The following EFNA5 variants were observed in gnomAD, a reference collection of about 807,000 sequenced individuals.
The protein encoded by EFNA5 is ephrin A5, also known as ephrin-A5.
In EFNA5, 5 loss-of-function variants were observed where a neutral mutation model predicts 22.9. The ratio of observed to expected loss-of-function variants is 0.22; its 90% CI spans 0.11 to 0.46. The LOEUF (loss-of-function observed/expected upper bound fraction) is 0.46. EFNA5 is among the 20% of genes least tolerant of loss of function. The pLI is 0.99. For missense variants in EFNA5, 237 were observed against 293.3 expected (o/e 0.81, Z 1.40); for synonymous variants, 113 against 112.2 (o/e 1.01, Z -0.04).
chr5:107,620,985 G>A (rs1042923835), intron 1 of EFNA5, among the ~76,000 whole-genome samples: 1 of 152,172 alleles, frequency 6.6e-6, no homozygotes, highest in African/African-American at 2.4e-5. Context: ...GAACATTAGG[G>A]AAGGGAAAGT....
chr5:107,402,056 CAAAGTGGCCT>C (rs1748100135), intron 2 of EFNA5, among the ~76,000 whole-genome samples: 1 of 152,124 alleles, frequency 6.6e-6, no homozygotes, highest in African/African-American at 2.4e-5. Context: ...ACTCTTAAAC[CAAAGTGGCCT>C]AAGAACTAAA....
intron 1 of EFNA5, among the ~76,000 whole-genome samples, chr5:107,517,742 C>T (rs955240331): frequency 4.6e-5 from 7 of 152,080 alleles, no homozygotes; most frequent in East Asian, 3.9e-4. Context: ...TGAGAACAAA[C>T]GAAGCAGGCT....
rs150982319 is a variant in EFNA5 at position 107,565,428 on chromosome 5, C to T, written c.125+105061G>A. On this transcript the variant is annotated intron_variant, in intron 1 of 4. Transcript: ENST00000333274. The stretch of plus-strand genomic sequence containing the variant: ...TATCAAATCCAGATTTGAAGCATCT[C>T]GGAATAAATACTTGAGTAGTTCTTG... Among the ~76,000 whole-genome samples the T allele has an allele frequency of 1.4e-4, 21 of 152,234 alleles. No homozygotes were observed. In the East Asian group the frequency reaches 1.9e-3, roughly 14 times the overall value.
chr5:107,548,217 A>G (rs1441038931), intron 1 of EFNA5, among the ~76,000 whole-genome samples: 1 of 152,206 alleles, frequency 6.6e-6, no homozygotes, highest in Admixed American at 6.5e-5. Flanking sequence ...TCATTATTTC[A>G]GTTGAGGTGG....
chr5:107,666,824 A>G (rs1212930043), intron 1 of EFNA5, among the ~76,000 whole-genome samples: 4 of 152,142 alleles, frequency 2.6e-5, no homozygotes, highest in Non-Finnish European at 5.9e-5. Flanking sequence ...TTAAAAGTAT[A>G]TTCTTATTAG....
chr5:107,450,442 C>T (rs188924173), intron 1 of EFNA5, among the ~76,000 whole-genome samples: 4 of 152,246 alleles, frequency 2.6e-5, no homozygotes, highest in East Asian at 1.9e-4. Context: ...TTAGTTTTGT[C>T]GACTAATATT....
At chr5:107,599,624 AG>A (rs751100075) in intron 1 of EFNA5, among the ~76,000 whole-genome samples, 2 of 152,260 alleles carry the variant, frequency 1.3e-5, no homozygotes, top group Non-Finnish European at 2.9e-5. Context: ...AGAAATCGAT[AG>A]AAAACTTTTT....
At chr5:107,658,282 A>G (rs963463249) in intron 1 of EFNA5, among the ~76,000 whole-genome samples, 1 of 152,178 alleles carries the variant, frequency 6.6e-6, no homozygotes, top group South Asian at 2.1e-4. Flanking sequence ...TTGCCACATA[A>G]AATACATCTT....
At position 107,564,379 on chromosome 5, in the gene EFNA5, G is replaced by A. The variant is rs113700884; in HGVS notation, c.125+106110C>T. On this transcript the variant is annotated intron_variant, in intron 1 of 4. Coordinates refer to ENST00000333274, the MANE Select transcript of EFNA5 (RefSeq NM_001962.3). ...CTTCCTGACCTTCCCGCCAACATGGGGCTTCCTCTTTCACACATATACAGC... is the reference window on the plus strand; with the variant it reads ...CTTCCTGACCTTCCCGCCAACATGGAGCTTCCTCTTTCACACATATACAGC... Among the ~76,000 whole-genome samples the A allele has an allele frequency of 7.7e-4, 117 of 152,152 alleles. No homozygotes were observed. The Middle Eastern group carries it at 0.01, about 13-fold the overall frequency.
chr5:107,608,255 G>A (rs556809351), intron 1 of EFNA5, among the ~76,000 whole-genome samples: 4 of 152,230 alleles, frequency 2.6e-5, no homozygotes, highest in African/African-American at 9.6e-5. Context: ...TTTCAGTTCA[G>A]TCCCCAAATG....
chr5:107,621,757 A>G (rs1433701529), intron 1 of EFNA5, among the ~76,000 whole-genome samples: 1 of 152,238 alleles, frequency 6.6e-6, no homozygotes, highest in Non-Finnish European at 1.5e-5. Flanking sequence ...ATAATAATGG[A>G]TAAAATAACG....
chr5:107,437,102 C>G (rs1749130267), intron 1 of EFNA5, among the ~76,000 whole-genome samples: 1 of 152,054 alleles, frequency 6.6e-6, no homozygotes, highest in South Asian at 2.1e-4. Flanking sequence ...TGAAATTTAG[C>G]CCACACTTTT....
At chr5:107,545,246 A>G (rs911429111) in intron 1 of EFNA5, among the ~76,000 whole-genome samples, 1 of 152,264 alleles carries the variant, frequency 6.6e-6, no homozygotes, top group African/African-American at 2.4e-5. Context: ...GTTCAGTAAT[A>G]TCGGCTGTAA....
intron 1 of EFNA5, among the ~76,000 whole-genome samples, chr5:107,556,656 G>T (rs921362144): frequency 1.3e-5 from 2 of 151,988 alleles, no homozygotes; most frequent in Non-Finnish European, 2.9e-5. Flanking sequence ...TGGCACGGGA[G>T]AATCGCTTCA....
intron 1 of EFNA5, among the ~76,000 whole-genome samples, chr5:107,568,964 T>G (rs759459259): frequency 1.3e-4 from 20 of 152,166 alleles, no homozygotes; most frequent in Non-Finnish European, 2.6e-4. Context: ...GCTAAATATA[T>G]GACTTATAAA....
chr5:107,486,179 CAA>C (rs1746614279), intron 1 of EFNA5, among the ~76,000 whole-genome samples: 1 of 151,992 alleles, frequency 6.6e-6, no homozygotes, highest in South Asian at 2.1e-4. Flanking sequence ...AAATAGCAAA[CAA>C]AGGAAAAAAC....
intron 1 of EFNA5, among the ~76,000 whole-genome samples, chr5:107,479,472 C>A (rs548274288): frequency 0.013 from 1,919 of 147,974 alleles, 44 homozygotes; most frequent in African/African-American, 0.047. Flanking sequence ...AAAAAAAAAA[C>A]AACCTAAATT....
At chr5:107,490,012 T>A (rs569117458) in intron 1 of EFNA5, among the ~76,000 whole-genome samples, 4 of 152,094 alleles carry the variant, frequency 2.6e-5, no homozygotes, top group Non-Finnish European at 5.9e-5. Context: ...ATCTCCAGGG[T>A]CCCTCAGCTG....
chr5:107,527,159 C>T (rs772168678), intron 1 of EFNA5, among the ~76,000 whole-genome samples: 10 of 152,088 alleles, frequency 6.6e-5, no homozygotes, highest in Non-Finnish European at 1.0e-4. Flanking sequence ...CCAAAACATC[C>T]CATGTTCTTG....
Sources: allele counts gnomAD v4.1 joint callset (sites outside exome capture counted in the v4.1 genomes callset), GRCh38; gene constraint gnomAD v4.1.1; transcripts MANE v1.5; gene names NCBI Gene and HGNC (gene_info 2026-07-23, HGNC 2026-07-21).